Variants in UNC5C observed in about 807,000 individuals in gnomAD.
The protein encoded by UNC5C is unc-5 netrin receptor C.
UNC5C carries 47 observed loss-of-function variants against 99.8 expected under a neutral mutation model. The ratio of observed to expected loss-of-function variants is 0.47; its 90% confidence interval spans 0.37 to 0.60. The LOEUF (loss-of-function observed/expected upper bound fraction) is 0.60, where lower values mean the gene tolerates loss of function less well. UNC5C is among the 20% of genes least tolerant of loss of function. UNC5C has a pLI of 0.00. For missense variants in UNC5C, 1,062 were observed against 1,165.9 expected, an observed-to-expected ratio of 0.91 and a Z score of 1.30; for synonymous variants, 487 against 452.2, an observed-to-expected ratio of 1.08 and a Z score of -0.98.
intron 1 of UNC5C, among the ~76,000 whole-genome samples, chr4:95,448,550 G>A (rs887679955): frequency 1.3e-5 from 2 of 152,116 alleles, no homozygotes; most frequent in Non-Finnish European, 2.9e-5. Flanking sequence ...TAAGCAAAAT[G>A]TCTCCAAATC....
At chr4:95,473,038 C>A (rs1370143429) in intron 1 of UNC5C, among the ~76,000 whole-genome samples, 5 of 151,756 alleles carry the variant, frequency 3.3e-5, no homozygotes, top group Non-Finnish European at 7.4e-5. Context: ...ACTCAAATAT[C>A]TTATACCTTG....
rs1354858996 is a variant in UNC5C, at chr4:95,167,803, C to T, written c.*1431G>A. 6.6e-6 allele frequency: 1 copy of T among 152,082 alleles called. No individual in the cohort carries two copies. The highest frequency in any genetic ancestry group is 1.5e-5 in the Non-Finnish European group (1 of 68,026). 9.4% of individuals were successfully genotyped at this position (152,082 alleles called of 1,614,324 possible). The stretch of plus-strand genomic sequence containing the variant: ...GCGTAACATAGCCTGGGCAAAAGAC[C>T]AGCTGATGATTTTTAAATGATGATC... On this transcript the variant is annotated 3_prime_UTR_variant, in exon 16 of 16. Transcript: ENST00000453304.
chr4:95,329,830 T>C (rs953484147), intron 2 of UNC5C, among the ~76,000 whole-genome samples: 14 of 152,198 alleles, frequency 9.2e-5, no homozygotes, highest in Admixed American at 4.6e-4. Context: ...GTAAGACTTA[T>C]AGATTGTGTG....
At chr4:95,219,380 T>TC (rs1465315602) in intron 8 of UNC5C, 67 bp from the exon 9 acceptor site, 2 of 1,466,768 alleles carry the variant, frequency 1.4e-6, no homozygotes, top group African/African-American at 1.4e-5. Context: ...TTAGTCAGAC[T>TC]CCCCCTCACA....
intron 1 of UNC5C, among the ~76,000 whole-genome samples, chr4:95,351,703 A>T (rs6824292): frequency 8.7e-5 from 4 of 46,118 alleles, no homozygotes; most frequent in African/African-American, 4.6e-4. Context: ...ATTAAAAATT[A>T]AAAAAAATAT....
chr4:95,479,580 C>A (rs1721071991), intron 1 of UNC5C, among the ~76,000 whole-genome samples: 1 of 151,752 alleles, frequency 6.6e-6, no homozygotes, highest in African/African-American at 2.4e-5. Flanking sequence ...ACTATAGTAC[C>A]CAGTGGAAGA....
chr4:95,427,050 G>T (rs762331217), intron 1 of UNC5C, among the ~76,000 whole-genome samples: 129 of 152,286 alleles, frequency 8.5e-4, no homozygotes, highest in Non-Finnish European at 1.4e-3. Context: ...GAGAGGAGAA[G>T]TGATCCTTAT....
chr4:95,199,770 C>T (rs774050420), intron 12 of UNC5C, among the ~76,000 whole-genome samples: 5 of 151,978 alleles, frequency 3.3e-5, no homozygotes, highest in South Asian at 2.1e-4. Flanking sequence ...GCTTTTGCAA[C>T]GATTTTCTTG....
intron 1 of UNC5C, among the ~76,000 whole-genome samples, chr4:95,470,256 C>T (rs780131593): frequency 6.6e-6 from 1 of 152,036 alleles, no homozygotes; most frequent in Non-Finnish European, 1.5e-5. Context: ...TTCCAAATTG[C>T]TACAATCTCC....
intron 12 of UNC5C, among the ~76,000 whole-genome samples, chr4:95,195,812 C>T (rs766662906): frequency 2.6e-5 from 4 of 151,788 alleles, no homozygotes; most frequent in African/African-American, 4.8e-5. Context: ...TCACATAATA[C>T]AAGCTTTCAC....
At position 95,250,499 on chromosome 4, in the gene UNC5C, C is replaced by T. The variant is rs1459876421; in HGVS notation, c.763G>A (p.Val255Ile). Residue 255 changes from valine (V) to isoleucine (I), a missense_variant, in exon 5 of 16, where the codon GTC becomes ATC. Around this residue, in one of 3 missense-constraint regions of UNC5C, gnomAD observed 810 missense variants for 854.5 expected, o/e 0.95. Coordinates refer to ENST00000453304, the MANE Select transcript of UNC5C (RefSeq NM_003728.4). The part of the protein sequence containing the change: ...VAKRKSTTAT[V>I]IVYVNGGWST... Reference sequence around the variant, plus strand: ...AAGGGCCACTCACCATAGACTATGACAGTGGCAGTTGTACTTTTCCTCTTG... The same window carrying T: ...AAGGGCCACTCACCATAGACTATGATAGTGGCAGTTGTACTTTTCCTCTTG... The T allele has an allele frequency of 6.2e-7, 1 of 1,613,940 alleles. No individual in the cohort carries two copies. Among genetic ancestry groups the T allele is most frequent in the South Asian group, 1.1e-5 (1 of 91,056 alleles).
rs1265897884 is a variant in UNC5C, at chr4:95,335,570, T to C, written c.186A>G (p.Pro62=). Residue 62 remains proline (P), a synonymous_variant, in exon 2 of 16, where the codon CCA becomes CCG. Coordinates refer to ENST00000453304, the MANE Select transcript of UNC5C (RefSeq NM_003728.4). ...CTTCTTCAGGCTCAATAAGGAAATGTGGCAGAGGCTCAGGTGGATCAGAAG... is the reference window on the plus strand; with the variant it reads ...CTTCTTCAGGCTCAATAAGGAAATGCGGCAGAGGCTCAGGTGGATCAGAAG... The part of the protein sequence containing the change: ...TFPSDPPEPL[P]HFLIEPEEAY... 1.2e-6 allele frequency: 2 copies of C among 1,612,336 alleles called. No individual in the cohort carries two copies.
chr4:95,544,931 GAA>G (rs1723017353), intron 1 of UNC5C, among the ~76,000 whole-genome samples: 1 of 152,218 alleles, frequency 6.6e-6, no homozygotes, highest in South Asian at 2.1e-4. Flanking sequence ...ACCTAAATCA[GAA>G]AAGTGTTAAA....
chr4:95,248,604 G>A (rs905660556), intron 5 of UNC5C: 2 of 451,174 alleles, frequency 4.4e-6, no homozygotes, highest in African/African-American at 2.0e-5. Context: ...TGAGCCCGCT[G>A]TTTCTCAAGG....
At chr4:95,206,462 A>C (rs890436438) in intron 11 of UNC5C, among the ~76,000 whole-genome samples, 166 bp downstream of exon 11, 1 of 152,180 alleles carries the variant, frequency 6.6e-6, no homozygotes, top group African/African-American at 2.4e-5. Context: ...CAATCAGAAG[A>C]TATAACACTC....
chr4:95,175,438 G>C (rs1414077991), intron 14 of UNC5C, among the ~76,000 whole-genome samples: 1 of 151,364 alleles, frequency 6.6e-6, no homozygotes, highest in East Asian at 1.9e-4. Context: ...GGGCAGGCCT[G>C]GTGGTGACAA....
chr4:95,501,542 A>T (rs927347339), intron 1 of UNC5C, among the ~76,000 whole-genome samples: 24 of 152,158 alleles, frequency 1.6e-4, no homozygotes, highest in Non-Finnish European at 2.9e-4. Flanking sequence ...TTACATGCTA[A>T]TGAGTGCAGA....
chr4:95,201,812 G>A (rs1008426025), intron 12 of UNC5C, among the ~76,000 whole-genome samples: 4 of 152,092 alleles, frequency 2.6e-5, no homozygotes, highest in Non-Finnish European at 2.9e-5. Context: ...CACCGTGTTA[G>A]CCAGGATGGT....
intron 3 of UNC5C, among the ~76,000 whole-genome samples, chr4:95,299,118 A>T (rs1040307031): frequency 2.5e-4 from 38 of 152,272 alleles, no homozygotes; most frequent in African/African-American, 9.1e-4. Flanking sequence ...CTATATTGGG[A>T]TATAAGACTT....
Sources: gnomAD v4.1 joint callset for allele counts (sites outside exome capture counted in the v4.1 genomes callset) on GRCh38, gnomAD v4.1.1 for gene constraint, gnomAD v4.1.1 regional missense constraint, MANE v1.5 for transcripts, NCBI Gene and HGNC (gene_info 2026-07-23, HGNC 2026-07-21) for gene names.